MDM4: variants seen among roughly 807,000 people sequenced by gnomAD.
MDM4 encodes MDM4 regulator of p53.
MDM4 carries 2 observed loss-of-function variants against 60.2 expected under a neutral mutation model. The ratio of observed to expected loss-of-function variants is 0.03; its 90% CI spans 0.01 to 0.10. The LOEUF is 0.10. MDM4 is among the 10% of genes least tolerant of loss of function. The probability of loss-of-function intolerance (pLI) is 1.00; values close to 1 mark genes in which losing one functional copy is unlikely to be tolerated. For missense variants in MDM4, 447 were observed against 577.5 expected, an observed-to-expected ratio of 0.77 and a Z score of 2.32; for synonymous variants, 202 against 198.1, an observed-to-expected ratio of 1.02 and a Z score of -0.17.
rs934849415 is a variant in MDM4 at position 204,553,509 on chromosome 1, A to G, written c.*3827A>G. The G allele has an allele frequency of 1.0e-4, 23 of 226,524 alleles. No homozygotes were observed. In the Admixed American group the frequency reaches 1.1e-3, roughly 11 times the overall value. 14.0% of individuals were successfully genotyped at this position (226,524 alleles called of 1,614,324 possible). A position where few individuals can be genotyped will look rare whatever the true frequency, so the allele number is the denominator to read the frequency against. ...TTATAGGTAAGCCTTGTTCGAGTTG[A>G]TATCTTGATTGTGAGGAAGGATCTG... On this transcript the variant is annotated 3_prime_UTR_variant, in exon 11 of 11. Coordinates refer to ENST00000367182, the MANE Select transcript of MDM4 (RefSeq NM_002393.5).
chr1:204,523,215 A>C (rs1481639998), intron 1 of MDM4, among the ~76,000 whole-genome samples: 1 of 147,732 alleles, frequency 6.8e-6, no homozygotes, highest in East Asian at 2.1e-4. Flanking sequence ...CATGCCTGTA[A>C]TCCCAGCACT....
rs1663629037 is a variant in MDM4, at chr1:204,557,781, A to G, written c.*8099A>G. 1 of 187,892 alleles carries G rather than the reference A, an allele frequency of 5.3e-6. No individual in the cohort carries two copies. The highest frequency in any genetic ancestry group is 2.3e-5 in the African/African-American group (1 of 42,742). The allele number at this position is 187,892 out of a possible 1,614,324, so 11.6% of individuals were successfully genotyped here. A position where few individuals can be genotyped will look rare whatever the true frequency, so the allele number is the denominator to read the frequency against. On this transcript the variant is annotated 3_prime_UTR_variant, in exon 11 of 11. Coordinates refer to ENST00000367182, the MANE Select transcript of MDM4 (RefSeq NM_002393.5). ...TATATAGAAAACATGAAATTTTCCA[A>G]ATATTTCCGATCAGAGAATCACAAG...
At chr1:204,529,500 C>A (rs1179740323) in intron 3 of MDM4, 19 of 1,517,634 alleles carry the variant, frequency 1.3e-5, no homozygotes, top group Non-Finnish European at 1.5e-5. Flanking sequence ...ATTGAGGTGT[C>A]CATAGGGCCC....
At position 204,529,248 on chromosome 1, in the gene MDM4, C is replaced by T. The variant is rs1046471135; in HGVS notation, c.154-1436C>T. On this transcript the variant is annotated intron_variant, in intron 3 of 10. Coordinates refer to ENST00000367182, the MANE Select transcript of MDM4 (RefSeq NM_002393.5). ...TCATGAGGCAGGTCTCATCATTGAA[C>T]AAGGACCAGTTGCAGTTGACCAGAG... 2.5e-5 allele frequency: 18 copies of T among 729,868 alleles called. No individual in the cohort carries two copies. The African/African-American group carries it at 2.9e-4, about 12-fold the overall frequency. The allele number at this position is 729,868 out of a possible 1,614,324, so 45.2% of individuals were successfully genotyped here. A position where few individuals can be genotyped will look rare whatever the true frequency, so the allele number is the denominator to read the frequency against.
chr1:204,548,307 C>T (rs1156568299), intron 10 of MDM4, among the ~76,000 whole-genome samples: 6 of 152,200 alleles, frequency 3.9e-5, no homozygotes, highest in African/African-American at 1.4e-4. Flanking sequence ...CAGTTTAACA[C>T]ATGGTTGTGC....
At chr1:204,539,096 C>T (rs1186244140) in intron 7 of MDM4, among the ~76,000 whole-genome samples, 4 of 151,970 alleles carry the variant, frequency 2.6e-5, no homozygotes, top group Middle Eastern at 3.4e-3. Context: ...CTCCAACTCC[C>T]GACCTCAGGT....
At chr1:204,535,770 G>A (rs891473281) in intron 5 of MDM4, among the ~76,000 whole-genome samples, 3 of 149,462 alleles carry the variant, frequency 2.0e-5, no homozygotes, top group African/African-American at 7.4e-5. Flanking sequence ...CAAACTCCTG[G>A]ACTCAAGTGA....
At chr1:204,546,665 T>G in intron 9 of MDM4, 132 bp from the exon 10 acceptor site, 1 of 597,226 alleles carries the variant, frequency 1.7e-6, no homozygotes, top group South Asian at 2.2e-5. Context: ...GCATTTAAGC[T>G]GTCTCCTTAA....
intron 5 of MDM4, chr1:204,532,875 T>G: frequency 1.3e-6 from 2 of 1,574,842 alleles, no homozygotes; most frequent in Non-Finnish European, 1.7e-6. Context: ...TTTGGTAAAC[T>G]GGTAGTGCTT....
At chr1:204,528,096 T>G (rs1215831931) in intron 3 of MDM4, among the ~76,000 whole-genome samples, 1 of 151,456 alleles carries the variant, frequency 6.6e-6, no homozygotes, top group Non-Finnish European at 1.5e-5. Flanking sequence ...TTTTTTTAGT[T>G]TTATCCTTTT....
At chr1:204,545,340 A>G (rs1211019951) in intron 9 of MDM4, among the ~76,000 whole-genome samples, 1 of 152,216 alleles carries the variant, frequency 6.6e-6, no homozygotes, top group African/African-American at 2.4e-5. Flanking sequence ...CTCTGAGTAC[A>G]TACATATGGT....
At chr1:204,529,665 G>T (rs927063093) in intron 3 of MDM4, 22 of 687,908 alleles carry the variant, frequency 3.2e-5, no homozygotes, top group Non-Finnish European at 4.8e-5. Context: ...GCATCTCCAG[G>T]GCAGCCCCGC....
intron 1 of MDM4, among the ~76,000 whole-genome samples, chr1:204,523,473 AT>A (rs60954516): frequency 0.041 from 2,420 of 58,768 alleles, 6 homozygotes; most frequent in African/African-American, 0.09. Context: ...CCTAAAAAAA[AT>A]TTTTTTTTTT....
chr1:204,549,414 A>T lies in MDM4; in HGVS notation c.1205A>T (p.Glu402Val). 6.2e-7 allele frequency: 1 copy of T among 1,613,558 alleles called. No individual in the cohort carries two copies. The highest frequency in any genetic ancestry group is 1.1e-5 in the South Asian group (1 of 90,952). ...TTCTTGGATTTGGCTCACAGTTCTG[A>T]AAGCCAAGAGACCATCTCAAGCATG... ...VEFLDLAHSS[E>V]SQETISSMGE... The change falls in exon 11 of 11, where the codon GAA becomes GTA. Residue 402 changes from glutamate to valine, a missense_variant. Transcript: ENST00000367182.
intron 5 of MDM4, chr1:204,532,619 C>T (rs180859160): frequency 2.1e-5 from 14 of 667,046 alleles, no homozygotes; most frequent in Non-Finnish European, 3.2e-5. Flanking sequence ...TATCATTTCC[C>T]CCAGTTATCT....
intron 7 of MDM4, among the ~76,000 whole-genome samples, 192 bp from the exon 8 acceptor site, chr1:204,542,592 G>C (rs533658642): frequency 1.3e-5 from 2 of 151,762 alleles, no homozygotes; most frequent in South Asian, 4.2e-4. Flanking sequence ...GTCATTACTT[G>C]CTAATGAAGT....
At chr1:204,525,619 A>G (rs775840033) in intron 2 of MDM4, 23 bp downstream of exon 2, 2 of 1,440,628 alleles carry the variant, frequency 1.4e-6, no homozygotes, top group Admixed American at 2.1e-5. Flanking sequence ...CGGTATTTCT[A>G]GTTTTTTGGT....
chr1:204,555,540 A>T lies in MDM4; in HGVS notation c.*5858A>T, dbSNP rs1216413792. On this transcript the variant is annotated 3_prime_UTR_variant, in exon 11 of 11. Coordinates refer to ENST00000367182, the MANE Select transcript of MDM4 (RefSeq NM_002393.5). Reference sequence around the variant, plus strand: ...AGAAGAGCAATTCCTCTTTCAGAGCAGTTGCTGTAATTTGGCAAATGCTTT... The same window carrying T: ...AGAAGAGCAATTCCTCTTTCAGAGCTGTTGCTGTAATTTGGCAAATGCTTT... 1 of 168,858 alleles carries T rather than the reference A, an allele frequency of 5.9e-6. No homozygotes were observed. The highest frequency in any genetic ancestry group is 1.3e-5 in the Non-Finnish European group (1 of 77,552). 10.5% of individuals were successfully genotyped at this position (168,858 alleles called of 1,614,324 possible).
intron 1 of MDM4, among the ~76,000 whole-genome samples, chr1:204,519,277 GCGGATCACCTGGTTGGGAGTT>G (rs1417441494): frequency 6.6e-6 from 1 of 152,144 alleles, no homozygotes; most frequent in African/African-American, 2.4e-5. Context: ...GCCAAGGTGG[GCGGATCACCTGGTTGGGAGTT>G]CGAGACCAGC....
Sources: gnomAD v4.1 joint callset for allele counts (sites outside exome capture counted in the v4.1 genomes callset) on GRCh38, gnomAD v4.1.1 for gene constraint, MANE v1.5 for transcripts, NCBI Gene and HGNC (gene_info 2026-07-23, HGNC 2026-07-21) for gene names.